The following ANGPT1 variants were observed in gnomAD, a reference collection of about 807,000 sequenced individuals.
ANGPT1 encodes the protein angiopoietin 1.
In ANGPT1, 17 loss-of-function variants were observed where a neutral mutation model predicts 62.2. The ratio of observed to expected loss-of-function variants is 0.27; its 90% CI spans 0.19 to 0.41. The LOEUF is 0.41. ANGPT1 is among the 10% of genes least tolerant of loss of function. ANGPT1 has a pLI of 1.00. For missense variants in ANGPT1, 478 were observed against 594.9 expected (o/e 0.80, Z 2.04); for synonymous variants, 199 against 198.9 (o/e 1.00, Z 0.00).
chr8:107,354,824 T>C (rs1353654429), intron 1 of ANGPT1, among the ~76,000 whole-genome samples: 1 of 152,162 alleles, frequency 6.6e-6, no homozygotes, highest in Non-Finnish European at 1.5e-5. Flanking sequence ...AACGGCACCA[T>C]TACCACCTAT....
intron 1 of ANGPT1, among the ~76,000 whole-genome samples, chr8:107,408,988 C>G (rs1231078409): frequency 2.0e-5 from 3 of 152,154 alleles, no homozygotes; most frequent in African/African-American, 7.2e-5. Context: ...CTCATTCATT[C>G]ATTCAGCAAA....
intron 1 of ANGPT1, among the ~76,000 whole-genome samples, chr8:107,393,962 T>A (rs910493262): frequency 6.6e-6 from 1 of 152,198 alleles, no homozygotes; most frequent in Non-Finnish European, 1.5e-5. Flanking sequence ...CTGCCACTAA[T>A]GCATTTTGAC....
At chr8:107,338,555 G>T (rs565825540) in intron 2 of ANGPT1, among the ~76,000 whole-genome samples, 1 of 152,266 alleles carries the variant, frequency 6.6e-6, no homozygotes, top group East Asian at 1.9e-4. Flanking sequence ...CATTAGTAAG[G>T]ATCTGAAAGC....
At chr8:107,362,086 C>T (rs550862690) in intron 1 of ANGPT1, among the ~76,000 whole-genome samples, 1 of 152,212 alleles carries the variant, frequency 6.6e-6, no homozygotes, top group Non-Finnish European at 1.5e-5. Context: ...AGCAAAGACA[C>T]ACAGATACAT....
At chr8:107,291,798 T>TAG (rs1814282949) in intron 6 of ANGPT1, among the ~76,000 whole-genome samples, 1 of 147,694 alleles carries the variant, frequency 6.8e-6, no homozygotes, top group Non-Finnish European at 1.5e-5. Flanking sequence ...TAGAATCACC[T>TAG]AGGTAGGAAG....
At chr8:107,444,673 A>AATAT (rs1811567355) in intron 1 of ANGPT1, among the ~76,000 whole-genome samples, 3 of 152,304 alleles carry the variant, frequency 2.0e-5, no homozygotes. Flanking sequence ...GGGTTTCCTA[A>AATAT]ATATAGTTTT....
chr8:107,454,968 G>A (rs774234064), intron 1 of ANGPT1, among the ~76,000 whole-genome samples: 1 of 151,936 alleles, frequency 6.6e-6, no homozygotes, highest in Non-Finnish European at 1.5e-5. Context: ...TTTGGAAATG[G>A]GTTCCACCCT....
chr8:107,418,267 C>T (rs964219884), intron 1 of ANGPT1, among the ~76,000 whole-genome samples: 2 of 152,132 alleles, frequency 1.3e-5, no homozygotes, highest in East Asian at 3.9e-4. Context: ...ACCATTTTAC[C>T]ATTTTCCATG....
intron 4 of ANGPT1, among the ~76,000 whole-genome samples, chr8:107,321,271 TTGTATCTCCAC>T: frequency 6.6e-6 from 1 of 152,230 alleles, no homozygotes; most frequent in East Asian, 1.9e-4. Flanking sequence ...TATCAAAAAT[TTGTATCTCCAC>T]TGTCACAAAG....
At chr8:107,278,858 C>T (rs1050703652) in intron 7 of ANGPT1, among the ~76,000 whole-genome samples, 17 of 152,208 alleles carry the variant, frequency 1.1e-4, no homozygotes, top group Non-Finnish European at 2.2e-4. Context: ...GGTGGCTACA[C>T]GTGTTTGGTT....
intron 1 of ANGPT1, among the ~76,000 whole-genome samples, chr8:107,491,139 A>T (rs539061212): frequency 6.8e-6 from 1 of 147,754 alleles, no homozygotes; most frequent in Non-Finnish European, 1.5e-5. Context: ...TCAATCTGCT[A>T]CCAGAAATGA....
intron 1 of ANGPT1, among the ~76,000 whole-genome samples, chr8:107,403,558 C>A (rs1817088277): frequency 6.6e-6 from 1 of 151,746 alleles, no homozygotes; most frequent in Non-Finnish European, 1.5e-5. Context: ...GGGAGTATCA[C>A]ATGAAAAAAA....
At chr8:107,342,999 C>CTTT (rs5893847) in intron 2 of ANGPT1, among the ~76,000 whole-genome samples, 1 of 124,772 alleles carries the variant, frequency 8.0e-6, no homozygotes, top group Non-Finnish European at 1.6e-5. Context: ...CCATGCCTGG[C>CTTT]TTTTTTTTTT....
At chr8:107,314,207 C>T (rs1236786046) in intron 4 of ANGPT1, among the ~76,000 whole-genome samples, 1 of 152,168 alleles carries the variant, frequency 6.6e-6, no homozygotes, top group African/African-American at 2.4e-5. Context: ...ATGGAGTTTG[C>T]TCATGGTAAT....
chr8:107,467,765 GA>G (rs1381372066), intron 1 of ANGPT1, among the ~76,000 whole-genome samples: 1 of 152,080 alleles, frequency 6.6e-6, no homozygotes, highest in African/African-American at 2.4e-5. Flanking sequence ...GGGCAAAAAG[GA>G]AATGTTAAGG....
At chr8:107,465,543 A>G (rs1812178002) in intron 1 of ANGPT1, among the ~76,000 whole-genome samples, 1 of 152,146 alleles carries the variant, frequency 6.6e-6, no homozygotes, top group South Asian at 2.1e-4. Flanking sequence ...TCAATGTTAA[A>G]TATTAAAGTA....
At chr8:107,346,124 A>G (rs569688996) in intron 2 of ANGPT1, among the ~76,000 whole-genome samples, 115 of 152,322 alleles carry the variant, frequency 7.5e-4, no homozygotes, top group African/African-American at 2.7e-3. Flanking sequence ...TTTTCTTTAA[A>G]TACCAATCTA....
intron 3 of ANGPT1, among the ~76,000 whole-genome samples, chr8:107,324,130 C>T (rs1277709289): frequency 2.0e-5 from 3 of 148,742 alleles, no homozygotes; most frequent in Non-Finnish European, 4.4e-5. Flanking sequence ...ATGGCCTGCC[C>T]ATGCTTGCCC....
At chr8:107,458,037 T>C (rs1811970885) in intron 1 of ANGPT1, among the ~76,000 whole-genome samples, 1 of 152,080 alleles carries the variant, frequency 6.6e-6, no homozygotes, top group African/African-American at 2.4e-5. Flanking sequence ...GGCCATCTGA[T>C]TTCTGTTCAG....
Sources: allele counts gnomAD v4.1 joint callset (sites outside exome capture counted in the v4.1 genomes callset), GRCh38; gene constraint gnomAD v4.1.1; transcripts MANE v1.5; gene names NCBI Gene and HGNC (gene_info 2026-07-23, HGNC 2026-07-21).